SLC39A11: variants seen among roughly 807,000 people sequenced by gnomAD.
The protein encoded by SLC39A11 is zinc transporter ZIP11.
In SLC39A11, 33 loss-of-function variants were observed where a neutral mutation model predicts 36.1. The observed-to-expected ratio is 0.91, with a 90% CI of 0.69 to 1.22. SLC39A11 has a LOEUF of 1.22. SLC39A11 is among the 50% of genes most tolerant of loss of function. The pLI is 0.00. For missense variants in SLC39A11, 432 were observed against 430.3 expected, an observed-to-expected ratio of 1.00 and a Z score of -0.03; for synonymous variants, 166 against 170.3, an observed-to-expected ratio of 0.97 and a Z score of 0.20.
chr17:72,698,897 C>T (rs936930413), intron 7 of SLC39A11, among the ~76,000 whole-genome samples: 2 of 152,124 alleles, frequency 1.3e-5, no homozygotes, highest in African/African-American at 4.8e-5. Context: ...GTGGCGTGAT[C>T]TCGGCTCACT....
intron 6 of SLC39A11, among the ~76,000 whole-genome samples, chr17:72,822,600 T>C (rs2077839341): frequency 6.6e-6 from 1 of 151,220 alleles, no homozygotes; most frequent in Admixed American, 6.6e-5. Context: ...CACCACACTC[T>C]ATGCCCCTGG....
intron 5 of SLC39A11, among the ~76,000 whole-genome samples, chr17:72,946,049 T>C (rs1186180439): frequency 6.6e-6 from 1 of 152,160 alleles, no homozygotes; most frequent in Non-Finnish European, 1.5e-5. Context: ...AGCGCAGTCA[T>C]GTTAGTGAAA....
intron 6 of SLC39A11, among the ~76,000 whole-genome samples, chr17:72,810,081 C>CAAAAAAAAAAAAAAAAAA (rs2077385655): frequency 2.2e-5 from 1 of 45,910 alleles, no homozygotes; most frequent in African/African-American, 1.0e-4. Flanking sequence ...AAAACAAAAA[C>CAAAAAAAAAAAAAAAAAA]AACAAAAAAA....
chr17:72,929,457 T>C (rs888132173), intron 5 of SLC39A11, among the ~76,000 whole-genome samples: 5 of 152,036 alleles, frequency 3.3e-5, no homozygotes, highest in African/African-American at 1.2e-4. Flanking sequence ...GTGCTAAGGA[T>C]GACAGGCCAG....
At chr17:72,717,039 AATAT>A (rs1207217207) in intron 7 of SLC39A11, among the ~76,000 whole-genome samples, 1 of 147,026 alleles carries the variant, frequency 6.8e-6, no homozygotes, top group Non-Finnish European at 1.5e-5. Flanking sequence ...ACACATATAA[AATAT>A]ATATACACAT....
intron 6 of SLC39A11, among the ~76,000 whole-genome samples, chr17:72,738,290 C>CA (rs1207597448): frequency 6.6e-6 from 1 of 152,216 alleles, no homozygotes; most frequent in African/African-American, 2.4e-5. Flanking sequence ...AGGCATGAGC[C>CA]ACCGCACCTG....
At chr17:72,946,417 G>C (rs548276088) in intron 5 of SLC39A11, among the ~76,000 whole-genome samples, 110 of 152,326 alleles carry the variant, frequency 7.2e-4, no homozygotes, top group African/African-American at 2.4e-3. Context: ...ACAGATACCA[G>C]AGCCCTGGCT....
At chr17:72,886,508 C>A (rs926803394) in intron 5 of SLC39A11, among the ~76,000 whole-genome samples, 6 of 152,166 alleles carry the variant, frequency 3.9e-5, no homozygotes, top group Admixed American at 6.5e-5. Flanking sequence ...TTCAACTCCG[C>A]CACTCTTTCT....
At chr17:73,078,295 A>G (rs1231549325) in intron 3 of SLC39A11, among the ~76,000 whole-genome samples, 1 of 151,844 alleles carries the variant, frequency 6.6e-6, no homozygotes, top group Non-Finnish European at 1.5e-5. Context: ...ACTCATTTGT[A>G]AGTTGACATT....
chr17:73,041,021 A>AC (rs2059096313), intron 3 of SLC39A11, among the ~76,000 whole-genome samples: 1 of 151,864 alleles, frequency 6.6e-6, no homozygotes, highest in African/African-American at 2.4e-5. Context: ...AAAAAAAAAA[A>AC]CAGTATTAAC....
At chr17:72,753,965 A>G (rs1029364717) in intron 6 of SLC39A11, among the ~76,000 whole-genome samples, 21 of 148,620 alleles carry the variant, frequency 1.4e-4, no homozygotes, top group African/African-American at 5.2e-4. Context: ...ATGTGGAAAC[A>G]GCCCAAATGC....
intron 7 of SLC39A11, chr17:72,725,749 G>A (rs2073902479): frequency 6.6e-6 from 1 of 152,236 alleles, no homozygotes; most frequent in Non-Finnish European, 1.5e-5. Context: ...GGCAGGATGA[G>A]CCAGGAAAAC....
In SLC39A11 at chr17:73,010,269, C is replaced by A. The variant is rs12600932; in HGVS notation, c.306+21287G>T. Among the ~76,000 whole-genome samples, 40 of 152,092 alleles carry A rather than the reference C, an allele frequency of 2.6e-4. 1 individual carries two copies. Among genetic ancestry groups the A allele is most frequent in the African/African-American group, 9.2e-4 (38 of 41,486 alleles). ...GAAGTTTGCAATCAATACAACCAGA[C>A]CCTTTCTCCCTTTTCATCTTCGGAC... On this transcript the variant is annotated intron_variant, in intron 4 of 9. Coordinates refer to ENST00000255559, the MANE Select transcript of SLC39A11 (RefSeq NM_139177.4).
At chr17:72,828,305 G>A (rs1332856660) in intron 6 of SLC39A11, among the ~76,000 whole-genome samples, 1 of 152,218 alleles carries the variant, frequency 6.6e-6, no homozygotes, top group African/African-American at 2.4e-5. Context: ...GAAAAGGAAG[G>A]TAGGAGAGTT....
intron 6 of SLC39A11, among the ~76,000 whole-genome samples, chr17:72,828,513 A>G (rs1454673655): frequency 1.3e-5 from 2 of 152,208 alleles, no homozygotes; most frequent in African/African-American, 2.4e-5. Context: ...TCAAGCACAC[A>G]GCTATTAAGT....
chr17:72,698,981 C>T (rs138888615), intron 7 of SLC39A11, among the ~76,000 whole-genome samples: 2,410 of 152,252 alleles, frequency 0.016, 70 homozygotes, highest in African/African-American at 0.054. Context: ...CAGGCGCCCG[C>T]CACCACACCT....
chr17:72,868,529 C>A (rs1006235335), intron 5 of SLC39A11, among the ~76,000 whole-genome samples: 1 of 140,344 alleles, frequency 7.1e-6, no homozygotes, highest in Non-Finnish European at 1.5e-5. Context: ...CACCTATAAT[C>A]CTGGTACTTT....
At chr17:72,811,010 G>A (rs2077419735) in intron 6 of SLC39A11, among the ~76,000 whole-genome samples, 3 of 150,878 alleles carry the variant, frequency 2.0e-5, no homozygotes, top group African/African-American at 7.3e-5. Context: ...AATTCTTTAA[G>A]TTGTATATTT....
chr17:73,065,704 A>G (rs2059978607), intron 3 of SLC39A11, among the ~76,000 whole-genome samples: 1 of 152,248 alleles, frequency 6.6e-6, no homozygotes, highest in South Asian at 2.1e-4. Flanking sequence ...CAGCAGATCC[A>G]GAACACCTAC....
Sources: gnomAD v4.1 joint callset for allele counts (sites outside exome capture counted in the v4.1 genomes callset) on GRCh38, gnomAD v4.1.1 for gene constraint, MANE v1.5 for transcripts, NCBI Gene and HGNC (gene_info 2026-07-23, HGNC 2026-07-21) for gene names.